Variants in DZIP3 observed in about 807,000 individuals in gnomAD.
DZIP3 encodes DAZ interacting zinc finger protein 3.
In DZIP3, 118 loss-of-function variants were observed where a neutral mutation model predicts 162.0. The observed-to-expected ratio is 0.73, with a 90% CI of 0.63 to 0.85. The LOEUF is 0.85. Ranked by LOEUF, DZIP3 falls within the 40% of genes least tolerant of loss-of-function variation. DZIP3 has a pLI of 0.00. For missense variants in DZIP3, 1,331 were observed against 1,407.0 expected, an observed-to-expected ratio of 0.95 and a Z score of 0.86; for synonymous variants, 438 against 458.6, an observed-to-expected ratio of 0.96 and a Z score of 0.57.
intron 12 of DZIP3, among the ~76,000 whole-genome samples, chr3:108,638,360 G>T (rs1942250571): frequency 1.3e-5 from 2 of 152,052 alleles, no homozygotes; most frequent in South Asian, 4.1e-4. Flanking sequence ...CTGTTGCCCA[G>T]GCTGGAGTGC....
intron 12 of DZIP3, among the ~76,000 whole-genome samples, chr3:108,639,926 A>T (rs1182874219): frequency 6.6e-6 from 1 of 151,980 alleles, no homozygotes; most frequent in Non-Finnish European, 1.5e-5. Context: ...GCATTGCTTT[A>T]GCTGCCCCAT....
chr3:108,655,960 A>G (rs1462474065), intron 19 of DZIP3, among the ~76,000 whole-genome samples: 1 of 151,950 alleles, frequency 6.6e-6, no homozygotes, highest in Non-Finnish European at 1.5e-5. Context: ...GGCGTCTGCC[A>G]TTGCCAAGGC....
chr3:108,636,142 T>G (rs532765255), intron 10 of DZIP3, among the ~76,000 whole-genome samples: 164 of 151,988 alleles, frequency 1.1e-3, no homozygotes, highest in Non-Finnish European at 1.2e-3. Flanking sequence ...TACTTTACAA[T>G]TTCCTTGATT....
intron 19 of DZIP3, 95 bp from the exon 20 acceptor site, chr3:108,661,782 G>A (rs1016092670): frequency 1.1e-5 from 10 of 878,426 alleles, no homozygotes; most frequent in South Asian, 3.6e-5. Context: ...GACAAAAAAC[G>A]TGAAAGGAGT....
At chr3:108,610,606 A>G (rs964173574) in intron 3 of DZIP3, among the ~76,000 whole-genome samples, 1 of 152,022 alleles carries the variant, frequency 6.6e-6, no homozygotes, top group Non-Finnish European at 1.5e-5. Flanking sequence ...GAGTATAAGA[A>G]CTCTGGTTTC....
intron 4 of DZIP3, among the ~76,000 whole-genome samples, chr3:108,614,704 C>G (rs1419578751): frequency 6.6e-6 from 1 of 152,134 alleles, no homozygotes; most frequent in Non-Finnish European, 1.5e-5. Context: ...CCCATCACCC[C>G]AGAAAGCACT....
chr3:108,625,963 A>T lies in DZIP3; in HGVS notation c.575A>T (p.Gln192Leu). 2 of 1,611,328 alleles carry T rather than the reference A, an allele frequency of 1.2e-6. No individual in the cohort carries two copies. Residue 192 changes from glutamine (Q) to leucine (L), a missense_variant, in exon 7 of 33, where the codon CAA (glutamine) becomes CTA (leucine). Gln to Leu is a moderately radical substitution (Grantham distance 113). This residue lies in a region of DZIP3 where 1,278 missense variants were observed against 1,317.1 expected (regional missense o/e 0.97). Coordinates refer to ENST00000361582, the MANE Select transcript of DZIP3 (RefSeq NM_014648.4). ...YFGRGLLRCAQKRYNGGLLEF... is the reference protein window; with the variant it reads ...YFGRGLLRCALKRYNGGLLEF... Reference sequence around the variant, plus strand: ...GGACGTGGTTTACTGCGATGTGCTCAAAAGAGGTAAGGATTTTAATTAACG... The same window carrying T: ...GGACGTGGTTTACTGCGATGTGCTCTAAAGAGGTAAGGATTTTAATTAACG...
chr3:108,688,246 T>A, intron 29 of DZIP3, 150 bp downstream of exon 29: 1 of 1,006,232 alleles, frequency 9.9e-7, no homozygotes, highest in Non-Finnish European at 1.4e-6. Context: ...AACTTCAACT[T>A]AACAAATGAT....
chr3:108,622,416 G>C (rs1941394877), intron 5 of DZIP3, among the ~76,000 whole-genome samples: 1 of 152,166 alleles, frequency 6.6e-6, no homozygotes, highest in African/African-American at 2.4e-5. Context: ...CAAAACAGCT[G>C]TTTGGAAGTT....
chr3:108,593,700 T>C (rs1483672463), intron 1 of DZIP3, among the ~76,000 whole-genome samples: 1 of 148,720 alleles, frequency 6.7e-6, no homozygotes, highest in Non-Finnish European at 1.5e-5. Flanking sequence ...TTTTTTAATA[T>C]GGTTTCACTC....
intron 4 of DZIP3, among the ~76,000 whole-genome samples, chr3:108,614,861 T>C (rs185776110): frequency 1.8e-4 from 28 of 152,342 alleles, no homozygotes; most frequent in Admixed American, 3.3e-4. Flanking sequence ...ACTAGCATAA[T>C]AACACATCCT....
chr3:108,624,524 G>A lies in DZIP3; in HGVS notation c.456G>A (p.Glu152=). ...CACTCACTGAAAGAGGAAAGAAAGA[G>A]GTATGTAACATGTTATTTGCCCTTT... ...GVALTERGKK[E]DYTEAENKFL... is the part of the protein sequence containing the mutation. Residue 152 remains glutamate (E), a splice_region_variant and synonymous_variant, in exon 6 of 33, where the codon GAG becomes GAA. Coordinates refer to ENST00000361582, the MANE Select transcript of DZIP3 (RefSeq NM_014648.4). 6.5e-6 allele frequency: 10 copies of A among 1,532,390 alleles called. No homozygotes were observed. The highest frequency in any genetic ancestry group is 8.9e-6 in the Non-Finnish European group (10 of 1,120,278). 94.9% of individuals were successfully genotyped at this position (1,532,390 alleles called of 1,614,324 possible). A position where few individuals can be genotyped will look rare whatever the true frequency, so the allele number is the denominator to read the frequency against.
chr3:108,639,538 A>G (rs1942295789), intron 12 of DZIP3, among the ~76,000 whole-genome samples: 1 of 152,062 alleles, frequency 6.6e-6, no homozygotes, highest in Admixed American at 6.5e-5. Context: ...CTCTTTTCTG[A>G]TTACTTCCAC....
At chr3:108,653,756 G>T (rs2107244260) in intron 18 of DZIP3, among the ~76,000 whole-genome samples, 1 of 151,822 alleles carries the variant, frequency 6.6e-6, no homozygotes, top group Middle Eastern at 3.4e-3. Context: ...AAAATTAAGG[G>T]GGAACAAAGA....
chr3:108,594,563 T>C (rs1037106555), intron 1 of DZIP3, among the ~76,000 whole-genome samples: 4 of 151,758 alleles, frequency 2.6e-5, no homozygotes, highest in Admixed American at 2.6e-4. Flanking sequence ...TAGTACCTGT[T>C]AGTTATTTTT....
chr3:108,632,003 G>A (rs777323727), intron 8 of DZIP3, among the ~76,000 whole-genome samples: 1 of 151,774 alleles, frequency 6.6e-6, no homozygotes, highest in South Asian at 2.1e-4. Context: ...TACTGTCTGG[G>A]AAATTTTCTC....
intron 19 of DZIP3, among the ~76,000 whole-genome samples, chr3:108,659,812 G>A (rs1362766086): frequency 5.3e-5 from 8 of 152,216 alleles, no homozygotes; most frequent in African/African-American, 1.2e-4. Flanking sequence ...AAATCAATGT[G>A]CAAAAATCAC....
In DZIP3 at chr3:108,690,902, A is replaced by G. The variant is rs1944666255; in HGVS notation, c.*5A>G. 3 of 1,613,666 alleles carry G rather than the reference A, an allele frequency of 1.9e-6. No individual in the cohort carries two copies. The highest frequency in any genetic ancestry group is 1.6e-4 in the Middle Eastern group (1 of 6,074). ...CGGCAGTTGCCCAAGATCTGATACA[A>G]GGTCGGGGTGTCTATGCAAAGGAAG... On this transcript the variant is annotated splice_region_variant and 3_prime_UTR_variant, in exon 32 of 33. Transcript: ENST00000361582.
intron 1 of DZIP3, among the ~76,000 whole-genome samples, chr3:108,598,663 A>G (rs926639230): frequency 1.3e-5 from 2 of 152,124 alleles, no homozygotes; most frequent in South Asian, 2.1e-4. Flanking sequence ...AAGTATTCCC[A>G]TTCCCTATTT....
Sources: allele counts gnomAD v4.1 joint callset (sites outside exome capture counted in the v4.1 genomes callset), GRCh38; gene constraint gnomAD v4.1.1; regional missense constraint gnomAD v4.1.1; transcripts MANE v1.5; gene names NCBI Gene and HGNC (gene_info 2026-07-23, HGNC 2026-07-21).